Variants in SEC22A observed in about 807,000 individuals in gnomAD.
SEC22A encodes vesicle-trafficking protein SEC22a.
SEC22A carries 22 observed loss-of-function variants against 35.3 expected under a neutral mutation model. The observed-to-expected ratio is 0.62, with a 90% confidence interval of 0.45 to 0.89. The LOEUF is 0.89. Ranked by LOEUF, SEC22A falls within the 40% of genes least tolerant of loss-of-function variation. SEC22A has a pLI of 0.00. For synonymous variants in SEC22A, 119 were observed against 129.5 expected (o/e 0.92, Z 0.55); for missense variants, 354 against 362.5 (o/e 0.98, Z 0.19).
chr3:123,256,033 G>A (rs998823253), intron 5 of SEC22A, among the ~76,000 whole-genome samples: 4 of 150,772 alleles, frequency 2.7e-5, no homozygotes, highest in East Asian at 1.9e-4. Context: ...ATTCTTTTAC[G>A]TAATCATAAT....
At chr3:123,269,860 C>G (rs1438844786) in intron 6 of SEC22A, among the ~76,000 whole-genome samples, 1 of 152,022 alleles carries the variant, frequency 6.6e-6, no homozygotes. Context: ...TCTCAATCTC[C>G]TGACCTCGTG....
At chr3:123,249,738 G>A (rs1243712313) in intron 5 of SEC22A, among the ~76,000 whole-genome samples, 1 of 152,032 alleles carries the variant, frequency 6.6e-6, no homozygotes, top group Non-Finnish European at 1.5e-5. Context: ...TGGTCAGGCT[G>A]GTCTCGAACT....
Position 123,206,135 on chromosome 3 carries a change from ATC to A in SEC22A, c.-19-3057_-19-3056del, listed in dbSNP as rs1232910895. Among the ~76,000 whole-genome samples, 4 of 152,118 alleles carry A rather than the reference ATC, an allele frequency of 2.6e-5. No individual in the cohort carries two copies. The South Asian group carries it at 8.3e-4, about 31-fold the overall frequency. On this transcript the variant is annotated intron_variant, in intron 1 of 6. Transcript: ENST00000492595. ...CTTTTATTTTACTTTTTGAGACAGG[ATC>A]TCTCTCATCACCCAGGTTGGACTGC...
chr3:123,240,646 G>A (rs1937511688), intron 4 of SEC22A, among the ~76,000 whole-genome samples: 1 of 152,104 alleles, frequency 6.6e-6, no homozygotes, highest in Non-Finnish European at 1.5e-5. Context: ...GTAAATATTA[G>A]GAGTGGAATT....
At chr3:123,259,858 T>C (rs1280781561) in intron 6 of SEC22A, among the ~76,000 whole-genome samples, 2 of 151,800 alleles carry the variant, frequency 1.3e-5, no homozygotes, top group African/African-American at 4.8e-5. Context: ...CTAGGCTGGG[T>C]GTGGTGGCTC....
intron 3 of SEC22A, among the ~76,000 whole-genome samples, chr3:123,224,160 C>A (rs1382435553): frequency 6.6e-6 from 1 of 151,656 alleles, no homozygotes; most frequent in Non-Finnish European, 1.5e-5. Flanking sequence ...CAGCCATAGG[C>A]AGTACGTAAA....
intron 6 of SEC22A, among the ~76,000 whole-genome samples, chr3:123,268,778 T>C (rs1286407095): frequency 6.6e-6 from 1 of 152,228 alleles, no homozygotes; most frequent in African/African-American, 2.4e-5. Context: ...TGTGGCTATA[T>C]TTCTCCTGAT....
intron 6 of SEC22A, among the ~76,000 whole-genome samples, chr3:123,267,237 T>A (rs1249115831): frequency 3.3e-5 from 5 of 152,136 alleles, no homozygotes; most frequent in Admixed American, 1.3e-4. Context: ...CGTAAGTCAT[T>A]TATAGTTAAT....
chr3:123,217,532 T>C (rs1937051930), intron 2 of SEC22A, among the ~76,000 whole-genome samples: 1 of 144,636 alleles, frequency 6.9e-6, no homozygotes, highest in Non-Finnish European at 1.5e-5. Flanking sequence ...TTTTTATACT[T>C]GGCAAATTTA....
At chr3:123,242,150 A>C (rs1937529694) in intron 4 of SEC22A, among the ~76,000 whole-genome samples, 1 of 151,886 alleles carries the variant, frequency 6.6e-6, no homozygotes, top group Non-Finnish European at 1.5e-5. Context: ...TCCCTTACTG[A>C]CAGTGTTTAC....
At chr3:123,269,008 A>G (rs952516744) in intron 6 of SEC22A, among the ~76,000 whole-genome samples, 11 of 152,192 alleles carry the variant, frequency 7.2e-5, no homozygotes, top group African/African-American at 2.4e-4. Flanking sequence ...AATATGCTGA[A>G]TATCTCTCAT....
intron 6 of SEC22A, among the ~76,000 whole-genome samples, chr3:123,262,109 A>G (rs1475947093): frequency 3.3e-5 from 5 of 152,232 alleles, no homozygotes; most frequent in Non-Finnish European, 7.3e-5. Context: ...ATGTTTTACC[A>G]TATAACATGC....
intron 2 of SEC22A, among the ~76,000 whole-genome samples, chr3:123,214,790 A>G (rs1345419252): frequency 6.6e-6 from 1 of 152,200 alleles, no homozygotes; most frequent in Non-Finnish European, 1.5e-5. Context: ...AAAGACAAAT[A>G]CCTTTTGGGA....
intron 5 of SEC22A, among the ~76,000 whole-genome samples, chr3:123,259,072 A>G (rs1937816189): frequency 6.6e-6 from 1 of 152,240 alleles, no homozygotes; most frequent in African/African-American, 2.4e-5. Flanking sequence ...GTTTTTAAAA[A>G]AATCATATCA....
chr3:123,225,715 C>G (rs1012944191), intron 4 of SEC22A, among the ~76,000 whole-genome samples: 15 of 152,146 alleles, frequency 9.9e-5, no homozygotes, highest in Admixed American at 9.8e-4. Context: ...CAGTTGTGCT[C>G]TGTTAATTTT....
intron 4 of SEC22A, 68 bp from the exon 5 acceptor site, chr3:123,245,829 TTC>T: frequency 1.2e-6 from 1 of 824,504 alleles, no homozygotes; most frequent in Non-Finnish European, 2.0e-6. Flanking sequence ...AGCAGTGAAT[TTC>T]TGTTTTACCT....
At chr3:123,205,802 A>T (rs6438784) in intron 1 of SEC22A, among the ~76,000 whole-genome samples, 93,757 of 152,136 alleles carry the variant, frequency 0.62, 29,257 homozygotes, top group African/African-American at 0.68. Context: ...GCTCTTTTCA[A>T]CTGAGTTTCT....
intron 6 of SEC22A, among the ~76,000 whole-genome samples, chr3:123,264,073 C>G (rs1937963714): frequency 6.6e-6 from 1 of 151,970 alleles, no homozygotes; most frequent in Non-Finnish European, 1.5e-5. Flanking sequence ...AGCTAATTTT[C>G]TGATTTATTT....
intron 2 of SEC22A, among the ~76,000 whole-genome samples, chr3:123,211,904 C>CA (rs1288073211): frequency 1.3e-5 from 2 of 151,986 alleles, no homozygotes; most frequent in Non-Finnish European, 2.9e-5. Flanking sequence ...CCTGTCTCTA[C>CA]AAAAAACTAA....
Sources: gnomAD v4.1 joint callset for allele counts (sites outside exome capture counted in the v4.1 genomes callset) on GRCh38, gnomAD v4.1.1 for gene constraint, MANE v1.5 for transcripts, NCBI Gene and HGNC (gene_info 2026-07-23, HGNC 2026-07-21) for gene names.